Variants in SLAMF6 observed in about 807,000 individuals in gnomAD.
SLAMF6 encodes SLAM family member 6, also known as NK-T-B-antigen.
A neutral mutation model predicts 38.3 loss-of-function variants in SLAMF6; 21 were observed. The ratio of observed to expected loss-of-function variants is 0.55; its 90% CI spans 0.39 to 0.79. SLAMF6 has a LOEUF of 0.79. Among genes scored for constraint, SLAMF6 ranks in the 30% least tolerant of loss-of-function variants. SLAMF6 has a pLI of 0.00. For missense variants in SLAMF6, 341 were observed against 385.3 expected, an observed-to-expected ratio of 0.89 and a Z score of 0.96; for synonymous variants, 152 against 146.3, an observed-to-expected ratio of 1.04 and a Z score of -0.28.
chr1:160,489,180 T>C lies in SLAMF6; in HGVS notation c.797-10A>G, dbSNP rs200090007. ...TTCCTTGCGGACTCTGCTGTTAACA[T>C]AGGAAGGCACAGTCAATGGCACAAG... On this transcript the variant is annotated splice_polypyrimidine_tract_variant and intron_variant, in intron 5 of 7. Coordinates refer to ENST00000368057, the MANE Select transcript of SLAMF6 (RefSeq NM_001184714.2). 153 of 1,613,722 alleles carry C rather than the reference T, an allele frequency of 9.5e-5. No individual in the cohort carries two copies. The East Asian group carries it at 3.4e-3, about 36-fold the overall frequency.
At chr1:160,499,668 ATGT>A (rs1653778913) in intron 1 of SLAMF6, among the ~76,000 whole-genome samples, 1 of 152,178 alleles carries the variant, frequency 6.6e-6, no homozygotes, top group Non-Finnish European at 1.5e-5. Context: ...CATTTTAACG[ATGT>A]TGATTCTTCC....
intron 2 of SLAMF6, among the ~76,000 whole-genome samples, chr1:160,492,275 G>A (rs1055617782): frequency 2.0e-5 from 3 of 152,164 alleles, no homozygotes; most frequent in Admixed American, 6.5e-5. Flanking sequence ...AGAAGAGACC[G>A]AGTAGTACTT....
chr1:160,503,505 G>C lies in SLAMF6; in HGVS notation c.50-7112C>G, dbSNP rs562996628. ...TTGTAGCCCAGGAACAGGGAAAGAA[G>C]GTGCTGGGGATCACCTAATATTAGC... On this transcript the variant is annotated intron_variant, in intron 1 of 7. Transcript: ENST00000368057. 8.1e-4 allele frequency among the ~76,000 whole-genome samples: 123 copies of C among 152,234 alleles called. 3 individuals are homozygous for C. In the South Asian group the frequency reaches 0.025, roughly 31 times the overall value.
chr1:160,506,036 C>CA (rs149717354), intron 1 of SLAMF6, among the ~76,000 whole-genome samples: 7,241 of 151,610 alleles, frequency 0.048, 368 homozygotes, highest in African/African-American at 0.12. Flanking sequence ...TCAAAAATAC[C>CA]AAAAAATAAG....
At chr1:160,519,791 G>T (rs986713659) in intron 1 of SLAMF6, among the ~76,000 whole-genome samples, 1 of 151,922 alleles carries the variant, frequency 6.6e-6, no homozygotes, top group Non-Finnish European at 1.5e-5. Flanking sequence ...AGGGGCTGGG[G>T]GGGAGGGGAG....
chr1:160,513,306 G>A (rs1469513174), intron 1 of SLAMF6, among the ~76,000 whole-genome samples: 3 of 152,164 alleles, frequency 2.0e-5, no homozygotes, highest in Admixed American at 6.5e-5. Context: ...AGGCAGACAA[G>A]ATTAGAGAAA....
At chr1:160,486,993 C>T (rs1288558387) in intron 7 of SLAMF6, 111 bp downstream of exon 7, 1 of 1,034,290 alleles carries the variant, frequency 9.7e-7, no homozygotes, top group Non-Finnish European at 1.5e-6. Context: ...CCGCATGCTG[C>T]TGCTGTTTGT....
chr1:160,512,179 G>C (rs926144045), intron 1 of SLAMF6, among the ~76,000 whole-genome samples: 1 of 152,216 alleles, frequency 6.6e-6, no homozygotes, highest in African/African-American at 2.4e-5. Flanking sequence ...GCCAGTGCCA[G>C]AGGGACTGGT....
intron 1 of SLAMF6, among the ~76,000 whole-genome samples, chr1:160,500,177 T>C (rs1653808745): frequency 6.6e-6 from 1 of 152,238 alleles, no homozygotes; most frequent in Non-Finnish European, 1.5e-5. Flanking sequence ...TTTATGATAA[T>C]TCATTGAGCT....
chr1:160,512,693 T>G (rs1336313745), intron 1 of SLAMF6, among the ~76,000 whole-genome samples: 24 of 152,010 alleles, frequency 1.6e-4, no homozygotes, highest in Non-Finnish European at 2.9e-5. Context: ...CCTCCACTGG[T>G]GACACCACCA....
At chr1:160,491,100 T>C in intron 3 of SLAMF6, 25 bp downstream of exon 3, 2 of 1,611,976 alleles carry the variant, frequency 1.2e-6, no homozygotes, top group Non-Finnish European at 1.7e-6. Flanking sequence ...TGCTCAAGGC[T>C]CTCAGACCTG....
chr1:160,500,746 C>A (rs1430249114), intron 1 of SLAMF6, among the ~76,000 whole-genome samples: 1 of 152,034 alleles, frequency 6.6e-6, no homozygotes, highest in Non-Finnish European at 1.5e-5. Flanking sequence ...AGTAAGCATC[C>A]CATGAATATT....
intron 1 of SLAMF6, among the ~76,000 whole-genome samples, chr1:160,498,532 A>C (rs1653716976): frequency 6.6e-6 from 1 of 152,134 alleles, no homozygotes. Context: ...TCCCCTTTAT[A>C]AAACCATCAG....
In SLAMF6 at chr1:160,489,156, T is replaced by C; in HGVS notation, c.811A>G (p.Asn271Asp). The C allele has an allele frequency of 1.2e-6, 2 of 1,613,858 alleles. No homozygotes were observed. The highest frequency in any genetic ancestry group is 1.7e-6 in the Non-Finnish European group (2 of 1,179,838). Residue 271 changes from asparagine to aspartate, a missense_variant, in exon 6 of 8, where the codon AAC (asparagine) becomes GAC (aspartate). Coordinates refer to ENST00000368057, the MANE Select transcript of SLAMF6 (RefSeq NM_001184714.2). ...GGAGACACTGAAACATACTCTAGGT[T>C]CCTTGCGGACTCTGCTGTTAACATA... ...RTQGPAESAR[N>D]LEYVSVSPTN... is the part of the protein sequence containing the mutation.
chr1:160,498,782 T>C (rs2102032182), intron 1 of SLAMF6, among the ~76,000 whole-genome samples: 1 of 152,304 alleles, frequency 6.6e-6, no homozygotes, highest in Non-Finnish European at 1.5e-5. Flanking sequence ...TGGTATTTCA[T>C]TGTGGTTTTG....
At chr1:160,515,254 A>C (rs1182801241) in intron 1 of SLAMF6, among the ~76,000 whole-genome samples, 3 of 152,324 alleles carry the variant, frequency 2.0e-5, no homozygotes. Flanking sequence ...TAACCTAGAA[A>C]ATCTAGAAGA....
intron 1 of SLAMF6, among the ~76,000 whole-genome samples, chr1:160,514,724 T>A (rs986496967): frequency 6.6e-6 from 1 of 152,106 alleles, no homozygotes; most frequent in Non-Finnish European, 1.5e-5. Flanking sequence ...CATAGCTACA[T>A]AGAAATTGAA....
chr1:160,523,249 T>C lies in SLAMF6; in HGVS notation c.-57A>G, dbSNP rs549241688. On this transcript the variant is annotated 5_prime_UTR_variant, in exon 1 of 8. Transcript: ENST00000368057. ...CTTGAGGCAGTCAATGTTTTTGCCCTTCTGTCATAAACTGAAAATACTTCT... is the reference window on the plus strand; with the variant it reads ...CTTGAGGCAGTCAATGTTTTTGCCCCTCTGTCATAAACTGAAAATACTTCT... 3 of 1,596,610 alleles carry C rather than the reference T, an allele frequency of 1.9e-6. No homozygotes were observed. Among genetic ancestry groups the C allele is most frequent in the East Asian group, 2.3e-5 (1 of 43,844 alleles).
chr1:160,520,552 C>A (rs1191546440), intron 1 of SLAMF6, among the ~76,000 whole-genome samples: 6 of 152,094 alleles, frequency 3.9e-5, no homozygotes, highest in Non-Finnish European at 2.9e-5. Context: ...TTCCAACTTT[C>A]CATCTATAAA....
Sources: allele counts gnomAD v4.1 joint callset (sites outside exome capture counted in the v4.1 genomes callset), GRCh38; gene constraint gnomAD v4.1.1; transcripts MANE v1.5; gene names NCBI Gene and HGNC (gene_info 2026-07-23, HGNC 2026-07-21).